The following KMT2E variants were observed in gnomAD, a reference collection of about 807,000 sequenced individuals.
The protein encoded by KMT2E is histone reader KMT2E.
KMT2E carries 30 observed loss-of-function variants against 184.6 expected under a neutral mutation model. The ratio of observed to expected loss-of-function variants is 0.16; its 90% CI spans 0.12 to 0.22. The LOEUF (loss-of-function observed/expected upper bound fraction) is 0.22. KMT2E is among the 10% of genes least tolerant of loss of function. The pLI is 1.00. For missense variants in KMT2E, 2,023 were observed against 2,237.4 expected, an observed-to-expected ratio of 0.90 and a Z score of 1.93; for synonymous variants, 815 against 776.5, an observed-to-expected ratio of 1.05 and a Z score of -0.82.
At chr7:105,049,530 G>A (rs1224428033) in intron 3 of KMT2E, among the ~76,000 whole-genome samples, 3 of 151,810 alleles carry the variant, frequency 2.0e-5, no homozygotes, top group South Asian at 2.1e-4. Flanking sequence ...ACTGTTTTGG[G>A]TCCTGGGGAC....
At chr7:105,061,738 T>A (rs1445269410) in intron 3 of KMT2E, among the ~76,000 whole-genome samples, 1 of 152,198 alleles carries the variant, frequency 6.6e-6, no homozygotes, top group Admixed American at 6.5e-5. Flanking sequence ...CTGGTCACAC[T>A]CAACACATGC....
chr7:105,071,609 T>TATATATATATA (rs1491132838), intron 6 of KMT2E, among the ~76,000 whole-genome samples: 5 of 45,404 alleles, frequency 1.1e-4, no homozygotes, highest in East Asian at 3.2e-3. Context: ...TATATATATA[T>TATATATATATA]TTTTTTTTTT....
Position 105,109,190 on chromosome 7 carries a change from T to C in KMT2E, c.3717T>C (p.Asp1239=), listed in dbSNP as rs1799058422. Residue 1239 remains aspartate, a synonymous_variant, in exon 23 of 27, where the codon GAT becomes GAC. Coordinates refer to ENST00000311117, the MANE Select transcript of KMT2E (RefSeq NM_182931.3). ...EETSNNCPVK[D]ATASEKNEPE... Reference sequence around the variant, plus strand: ...CTAGCAATAACTGCCCTGTTAAGGATGCTACTGCTAGTGAGAAGAATGAAC... The same window carrying C: ...CTAGCAATAACTGCCCTGTTAAGGACGCTACTGCTAGTGAGAAGAATGAAC... 20 of 1,613,948 alleles carry C rather than the reference T, an allele frequency of 1.2e-5. No homozygotes were observed. The highest frequency in any genetic ancestry group is 1.7e-5 in the Admixed American group (1 of 59,994).
In KMT2E at chr7:105,028,201, C is replaced by T. The variant is rs150211297; in HGVS notation, c.-188-9925C>T. Among the ~76,000 whole-genome samples the T allele has an allele frequency of 7.5e-3, 1,121 of 149,924 alleles. 27 individuals are homozygous for T. The highest frequency in any genetic ancestry group is 0.052 in the Admixed American group (785 of 15,040). On this transcript the variant is annotated intron_variant, in intron 1 of 26. Transcript: ENST00000311117. ...TTTTTTTTTGTGAGACAGAGTCTGG[C>T]TCTGTCGCCCAGGCTGGAGTGCAGT...
chr7:105,085,736 T>C (rs1584776926), intron 13 of KMT2E, among the ~76,000 whole-genome samples: 2 of 150,522 alleles, frequency 1.3e-5, no homozygotes, highest in Admixed American at 1.3e-4. Context: ...TAGGATGGAG[T>C]GTGGTGGCAC....
At chr7:105,056,904 T>G (rs1796588957) in intron 3 of KMT2E, among the ~76,000 whole-genome samples, 1 of 152,170 alleles carries the variant, frequency 6.6e-6, no homozygotes, top group South Asian at 2.1e-4. Context: ...AAACCTCAAG[T>G]TCAAGAGAGG....
chr7:105,040,146 G>A (rs1795818836), intron 2 of KMT2E, among the ~76,000 whole-genome samples: 2 of 152,124 alleles, frequency 1.3e-5, no homozygotes, highest in Non-Finnish European at 2.9e-5. Context: ...CTACTGTACA[G>A]TAATCAAATT....
Position 105,111,894 on chromosome 7 carries a change from TG to T in KMT2E, c.4141del (p.Asp1381ThrfsTer15). 1 of 1,614,138 alleles carries T rather than the reference TG, an allele frequency of 6.2e-7. No individual in the cohort carries two copies. The highest frequency in any genetic ancestry group is 8.5e-7 in the Non-Finnish European group (1 of 1,180,012). On this transcript the variant is annotated frameshift_variant, in exon 27 of 27. Coordinates refer to ENST00000311117, the MANE Select transcript of KMT2E (RefSeq NM_182931.3). LOFTEE classifies it high-confidence loss of function. Reference protein sequence around the residue: ...GKIFTKPDPQWDSTVSASEAE... With the variant: ...GKIFTKPDPQXDSTVSASEAE... ...AATATTCACAAAACCAGATCCCCAA[TG>T]GGACTCCACAGTTAGTGCATCCGAA...
intron 15 of KMT2E, among the ~76,000 whole-genome samples, chr7:105,100,179 T>C (rs1798593149): frequency 6.6e-6 from 1 of 152,212 alleles, no homozygotes; most frequent in Non-Finnish European, 1.5e-5. Flanking sequence ...GTTTGCAATA[T>C]GGAAATTTGC....
At chr7:105,072,330 A>T (rs1337806940) in intron 6 of KMT2E, among the ~76,000 whole-genome samples, 1 of 152,188 alleles carries the variant, frequency 6.6e-6, no homozygotes, top group Non-Finnish European at 1.5e-5. Context: ...CGTCTCAAAA[A>T]ACAAAACAAA....
At chr7:105,048,299 C>T (rs1476815688) in intron 3 of KMT2E, among the ~76,000 whole-genome samples, 2 of 152,078 alleles carry the variant, frequency 1.3e-5, no homozygotes, top group Admixed American at 6.5e-5. Flanking sequence ...GGCCTCCCAA[C>T]GTGCTGAGAT....
chr7:105,054,490 ATCTATCTATCTATCTATCTATCTATCTG>A (rs1796489774), intron 3 of KMT2E, among the ~76,000 whole-genome samples: 3 of 150,572 alleles, frequency 2.0e-5, no homozygotes, highest in South Asian at 4.3e-4. Flanking sequence ...CTATCTATCT[ATCTATCTATCTATCTATCTATCTATCTG>A]TCTGTCTGTC....
rs1456164802 is a variant in KMT2E, at chr7:105,114,517, TGCTA to T, written c.*1186_*1189del. Among the ~76,000 whole-genome samples, 2 of 152,178 alleles carry T rather than the reference TGCTA, an allele frequency of 1.3e-5. No individual in the cohort carries two copies. Among genetic ancestry groups the T allele is most frequent in the African/African-American group, 4.8e-5 (2 of 41,442 alleles). On this transcript the variant is annotated 3_prime_UTR_variant, in exon 27 of 27. Transcript: ENST00000311117. Reference sequence around the variant, plus strand: ...ACGTTTTTATTGCTAAAATATAAAATGCTAGTTAGTTATTAATTATTAATCTTCA... The same window carrying T: ...ACGTTTTTATTGCTAAAATATAAAATGTTAGTTATTAATTATTAATCTTCA...
chr7:105,079,991 G>A (rs1046772553), intron 12 of KMT2E, among the ~76,000 whole-genome samples: 3 of 151,892 alleles, frequency 2.0e-5, no homozygotes, highest in Admixed American at 6.6e-5. Context: ...CCACAGGTGC[G>A]TGCCACCATG....
At position 105,085,769 on chromosome 7, in the gene KMT2E, C is replaced by T. The variant is rs552251079; in HGVS notation, c.1358+3972C>T. Among the ~76,000 whole-genome samples the T allele has an allele frequency of 4.0e-5, 6 of 151,702 alleles. No homozygotes were observed. In the East Asian group the frequency reaches 5.9e-4, roughly 15 times the overall value. The stretch of plus-strand genomic sequence containing the variant: ...CACAATTTCAGCTCACTGCAGGCTC[C>T]GCTTCCCAGGTTCATGCCATTCTCC... On this transcript the variant is annotated intron_variant, in intron 13 of 26. Coordinates refer to ENST00000311117, the MANE Select transcript of KMT2E (RefSeq NM_182931.3).
chr7:105,050,826 T>G lies in KMT2E; in HGVS notation c.71+9803T>G, dbSNP rs115932692. On this transcript the variant is annotated intron_variant, in intron 3 of 26. Coordinates refer to ENST00000311117, the MANE Select transcript of KMT2E (RefSeq NM_182931.3). ...CTCACTGCAATCTCCACCTTCAGGA[T>G]TCAAGTGAGCCTTGTGCCTCAGCCT... Among the ~76,000 whole-genome samples the G allele has an allele frequency of 9.5e-3, 1,441 of 151,970 alleles. 30 individuals carry two copies. Among genetic ancestry groups the G allele is most frequent in the African/African-American group, 0.033 (1,379 of 41,446 alleles).
intron 3 of KMT2E, among the ~76,000 whole-genome samples, chr7:105,043,458 G>A (rs567579407): frequency 6.6e-6 from 1 of 151,632 alleles, no homozygotes; most frequent in African/African-American, 2.4e-5. Context: ...GGATGGTCTC[G>A]ATCTCCTGAC....
intron 1 of KMT2E, among the ~76,000 whole-genome samples, chr7:105,022,024 G>T (rs904799630): frequency 3.3e-5 from 5 of 152,058 alleles, no homozygotes; most frequent in South Asian, 2.1e-4. Context: ...TATACACCTG[G>T]TATTTTTCCT....
chr7:105,105,245 T>TA (rs1408882140), intron 17 of KMT2E, 194 bp from the exon 18 acceptor site: 2 of 426,854 alleles, frequency 4.7e-6, no homozygotes, highest in Non-Finnish European at 8.1e-6. Flanking sequence ...AATAATTGGG[T>TA]AAAAAGTTTC....
Sources: gnomAD v4.1 joint callset for allele counts (sites outside exome capture counted in the v4.1 genomes callset) on GRCh38, gnomAD v4.1.1 for gene constraint, MANE v1.5 for transcripts, NCBI Gene and HGNC (gene_info 2026-07-23, HGNC 2026-07-21) for gene names.